The following SORCS2 variants were observed in gnomAD, a reference collection of about 807,000 sequenced individuals.
The protein encoded by SORCS2 is VPS10 domain-containing receptor SorCS2.
In SORCS2, 100 loss-of-function variants were observed where a neutral mutation model predicts 141.6. The ratio of observed to expected loss-of-function variants is 0.71; its 90% CI spans 0.60 to 0.83. SORCS2 has a LOEUF of 0.83. Among genes scored for constraint, SORCS2 ranks in the 40% least tolerant of loss-of-function variants. The probability of loss-of-function intolerance (pLI) is 0.00; values close to 1 mark genes in which losing one functional copy is unlikely to be tolerated. For missense variants in SORCS2, 1,646 were observed against 1,560.2 expected, an observed-to-expected ratio of 1.05 and a Z score of -0.93; for synonymous variants, 789 against 676.9, an observed-to-expected ratio of 1.17 and a Z score of -2.57.
At chr4:7,645,222 C>A (rs1196713308) in intron 4 of SORCS2, among the ~76,000 whole-genome samples, 1 of 152,152 alleles carries the variant, frequency 6.6e-6, no homozygotes, top group Non-Finnish European at 1.5e-5. Context: ...GGGTGCCTGG[C>A]CTGAGTCACT....
Position 7,651,628 on chromosome 4 carries a change from C to T in SORCS2, c.814-2506C>T, listed in dbSNP as rs185425132. 9.4e-4 allele frequency among the ~76,000 whole-genome samples: 143 copies of T among 152,352 alleles called. 2 individuals are homozygous for T. The Middle Eastern group carries it at 0.02, about 22-fold the overall frequency. ...ACACAGGGTTTATTGGAGGAAGTTA[C>T]ATGCAGGGACAGTCTGCTGGCAGTG... is the stretch of plus-strand genomic sequence containing the variant. On this transcript the variant is annotated intron_variant, in intron 4 of 26. Coordinates refer to ENST00000507866, the MANE Select transcript of SORCS2 (RefSeq NM_020777.3).
chr4:7,382,967 A>T (rs1420134164), intron 1 of SORCS2, among the ~76,000 whole-genome samples: 2 of 152,190 alleles, frequency 1.3e-5, no homozygotes, highest in African/African-American at 4.8e-5. Flanking sequence ...TTGATCTATA[A>T]TATGAAGATA....
chr4:7,246,616 T>C (rs1163816830), intron 1 of SORCS2, among the ~76,000 whole-genome samples: 2 of 152,194 alleles, frequency 1.3e-5, no homozygotes, highest in African/African-American at 4.8e-5. Context: ...GGACTGGGGT[T>C]TCTGTTCCCA....
intron 2 of SORCS2, among the ~76,000 whole-genome samples, chr4:7,466,824 A>G (rs761690648): frequency 6.6e-6 from 1 of 152,134 alleles, no homozygotes; most frequent in Non-Finnish European, 1.5e-5. Context: ...AGGCATAGGC[A>G]CTTGGGAGGT....
chr4:7,676,871 C>A (rs1723178902), intron 9 of SORCS2, among the ~76,000 whole-genome samples: 1 of 101,536 alleles, frequency 9.8e-6, no homozygotes, highest in Non-Finnish European at 2.1e-5. Context: ...CTTCCTCTCC[C>A]TCTCTGTGTC....
At chr4:7,566,847 C>A (rs1246592242) in intron 3 of SORCS2, among the ~76,000 whole-genome samples, 1 of 151,106 alleles carries the variant, frequency 6.6e-6, no homozygotes, top group Non-Finnish European at 1.5e-5. Flanking sequence ...GCCTGTCTTA[C>A]CTTAGTGGAT....
At chr4:7,331,699 G>A (rs185300874) in intron 1 of SORCS2, among the ~76,000 whole-genome samples, 7 of 152,190 alleles carry the variant, frequency 4.6e-5, no homozygotes. Context: ...GGGTCGGGGT[G>A]AAGCAGGAAA....
chr4:7,349,742 G>A (rs1338741331), intron 1 of SORCS2, among the ~76,000 whole-genome samples: 9 of 152,186 alleles, frequency 5.9e-5, no homozygotes. Flanking sequence ...GCCTTTTGTT[G>A]GCATTCCTCA....
At chr4:7,551,379 G>A (rs1283436968) in intron 3 of SORCS2, among the ~76,000 whole-genome samples, 3 of 152,176 alleles carry the variant, frequency 2.0e-5, no homozygotes, top group African/African-American at 7.2e-5. Context: ...ATAAGGACCA[G>A]CTAGGGATCC....
At chr4:7,284,101 G>A (rs114724533) in intron 1 of SORCS2, among the ~76,000 whole-genome samples, 94 of 152,284 alleles carry the variant, frequency 6.2e-4, no homozygotes, top group African/African-American at 2.1e-3. Flanking sequence ...GCAGGATTGC[G>A]CCCAGGGAAC....
chr4:7,311,551 G>A (rs114219910), intron 1 of SORCS2, among the ~76,000 whole-genome samples: 189 of 152,274 alleles, frequency 1.2e-3, no homozygotes, highest in African/African-American at 4.3e-3. Flanking sequence ...CTGTGTCCTC[G>A]TGAAGACTTT....
intron 11 of SORCS2, among the ~76,000 whole-genome samples, chr4:7,695,438 T>G (rs796465304): frequency 0.21 from 1,037 of 5,040 alleles, no homozygotes; most frequent in Non-Finnish European, 0.22. Flanking sequence ...ATGGATGGAT[T>G]GGTGGGTGGG....
intron 3 of SORCS2, among the ~76,000 whole-genome samples, chr4:7,559,908 G>A (rs535660212): frequency 6.6e-6 from 1 of 152,362 alleles, no homozygotes; most frequent in African/African-American, 2.4e-5. Flanking sequence ...CAGGGCCGGA[G>A]CCAGGCGCTA....
chr4:7,562,479 G>C (rs1441463650), intron 3 of SORCS2, among the ~76,000 whole-genome samples: 2 of 152,188 alleles, frequency 1.3e-5, no homozygotes, highest in African/African-American at 2.4e-5. Context: ...AAGAACAGGG[G>C]TTGGCAAACG....
rs545951185 is a variant in SORCS2 at position 7,604,589 on chromosome 4, G to A, written c.649-33739G>A. Among the ~76,000 whole-genome samples, 28 of 152,278 alleles carry A rather than the reference G, an allele frequency of 1.8e-4. No homozygotes were observed. In the East Asian group the frequency reaches 4.6e-3, roughly 25 times the overall value. ...GCTGGGATTACAGGCATGAGCCGCC[G>A]CGCCCGGCCTATGGTGATGGTTTTA... On this transcript the variant is annotated intron_variant, in intron 3 of 26. Coordinates refer to ENST00000507866, the MANE Select transcript of SORCS2 (RefSeq NM_020777.3).
intron 1 of SORCS2, among the ~76,000 whole-genome samples, chr4:7,225,277 G>A (rs947530078): frequency 6.6e-6 from 1 of 152,152 alleles, no homozygotes; most frequent in African/African-American, 2.4e-5. Flanking sequence ...GGATGCCTGC[G>A]TCCAGCCCAC....
At chr4:7,453,242 G>A (rs1271088114) in intron 2 of SORCS2, among the ~76,000 whole-genome samples, 1 of 136,588 alleles carries the variant, frequency 7.3e-6, no homozygotes, top group Admixed American at 7.2e-5. Context: ...CTGTGTGTTG[G>A]GGTCAGGTGC....
intron 5 of SORCS2, among the ~76,000 whole-genome samples, chr4:7,660,014 G>A (rs1176993051): frequency 6.6e-6 from 1 of 152,184 alleles, no homozygotes; most frequent in Non-Finnish European, 1.5e-5. Context: ...TCTGTAAAAT[G>A]GGTATAATCA....
chr4:7,499,121 CTGAGTGTGTA>C (rs1290293055), intron 2 of SORCS2, among the ~76,000 whole-genome samples: 2 of 151,450 alleles, frequency 1.3e-5, no homozygotes, highest in Non-Finnish European at 2.9e-5. Flanking sequence ...GTATTTGTGT[CTGAGTGTGTA>C]TGAGTGGGCA....
Sources: gnomAD v4.1 joint callset for allele counts (sites outside exome capture counted in the v4.1 genomes callset) on GRCh38, gnomAD v4.1.1 for gene constraint, MANE v1.5 for transcripts, NCBI Gene and HGNC (gene_info 2026-07-23, HGNC 2026-07-21) for gene names.